FOCAD: variants seen among roughly 807,000 people sequenced by gnomAD.
FOCAD encodes the protein focadhesin.
Under a neutral mutation model 225.6 loss-of-function variants are expected in FOCAD, and 198 were observed. The ratio of observed to expected loss-of-function variants is 0.88; its 90% CI spans 0.78 to 0.99. The LOEUF (loss-of-function observed/expected upper bound fraction) is 0.99. Ranked by LOEUF, FOCAD falls within the 50% of genes least tolerant of loss-of-function variation. The probability of loss-of-function intolerance (pLI) is 0.00; values close to 1 mark genes in which losing one functional copy is unlikely to be tolerated. For missense variants in FOCAD, 2,713 were observed against 2,123.6 expected (o/e 1.28, Z -5.46); for synonymous variants, 897 against 755.0 (o/e 1.19, Z -3.08).
chr9:20,969,685 G>A (rs1307734677), intron 35 of FOCAD, among the ~76,000 whole-genome samples: 2 of 93,408 alleles, frequency 2.1e-5, no homozygotes, highest in African/African-American at 8.4e-5. Context: ...AGTGAAAAGG[G>A]GAGTTATAAA....
chr9:20,816,196 T>C (rs547330583), intron 11 of FOCAD, among the ~76,000 whole-genome samples: 1 of 152,164 alleles, frequency 6.6e-6, no homozygotes, highest in Admixed American at 6.5e-5. Context: ...AGTATAATTA[T>C]AGCATTTGTT....
chr9:20,904,839 C>A (rs958948379), intron 21 of FOCAD, among the ~76,000 whole-genome samples: 1 of 151,912 alleles, frequency 6.6e-6, no homozygotes, highest in Non-Finnish European at 1.5e-5. Flanking sequence ...ACAAGTATAG[C>A]AAATTGGACA....
chr9:20,662,799 C>T (rs1005224691), intron 2 of FOCAD, among the ~76,000 whole-genome samples: 8 of 151,914 alleles, frequency 5.3e-5, no homozygotes, highest in Admixed American at 6.6e-5. Flanking sequence ...TGGCTCAGAG[C>T]CTGCTTTTGG....
chr9:20,763,053 A>G (rs534234594), intron 6 of FOCAD, among the ~76,000 whole-genome samples: 1 of 152,226 alleles, frequency 6.6e-6, no homozygotes, highest in Admixed American at 6.5e-5. Flanking sequence ...TCTTGAGGAT[A>G]GATAATTCTT....
chr9:20,979,587 C>G (rs1268643934), intron 37 of FOCAD, among the ~76,000 whole-genome samples: 1 of 152,206 alleles, frequency 6.6e-6, no homozygotes. Context: ...GATCTGCCCA[C>G]CTCAGTCTCC....
chr9:20,712,292 A>C (rs917396599), intron 1 of FOCAD, among the ~76,000 whole-genome samples: 1 of 152,200 alleles, frequency 6.6e-6, no homozygotes, highest in Admixed American at 6.5e-5. Flanking sequence ...TAGTAAAAAA[A>C]CGCCGTGGTA....
chr9:20,882,471 A>G (rs932260186), intron 20 of FOCAD, among the ~76,000 whole-genome samples: 1 of 152,236 alleles, frequency 6.6e-6, no homozygotes, highest in African/African-American at 2.4e-5. Context: ...TGAAAGGCAA[A>G]GTGAAATCCC....
At chr9:20,847,099 C>T (rs972399138) in intron 15 of FOCAD, among the ~76,000 whole-genome samples, 4 of 152,026 alleles carry the variant, frequency 2.6e-5, no homozygotes, top group African/African-American at 7.2e-5. Context: ...TACAGTTCAG[C>T]CATTTTAATC....
chr9:20,774,402 T>C (rs1397787016), intron 8 of FOCAD, among the ~76,000 whole-genome samples: 2 of 152,190 alleles, frequency 1.3e-5, no homozygotes, highest in African/African-American at 4.8e-5. Context: ...ATTAATTCAT[T>C]AGGAGTTGCA....
rs71496859 is a variant in FOCAD at position 20,839,259 on chromosome 9, C to CTT, written c.1920+16160_1920+16161dup. Among the ~76,000 whole-genome samples, 768 of 132,732 alleles carry CTT rather than the reference C, an allele frequency of 5.8e-3. 6 individuals are homozygous for CTT. The highest frequency in any genetic ancestry group is 0.013 in the African/African-American group (463 of 35,722). 87.1% of individuals were successfully genotyped at this position (132,732 alleles called of 152,430 possible). A position where few individuals can be genotyped will look rare whatever the true frequency, so the allele number is the denominator to read the frequency against. On this transcript the variant is annotated intron_variant, in intron 15 of 43. Transcript: ENST00000338382. ...TTGGCTTTATGGAATTTCTTTCTTT[C>CTT]TTTTTTTTTTTTTTTTTGAGACTAG... is the stretch of plus-strand genomic sequence containing the variant.
intron 15 of FOCAD, among the ~76,000 whole-genome samples, chr9:20,841,126 T>C (rs970637845): frequency 6.6e-6 from 1 of 152,018 alleles, no homozygotes; most frequent in African/African-American, 2.4e-5. Flanking sequence ...TTTGCTATTA[T>C]TTTACTGAGG....
chr9:20,953,076 A>T lies in FOCAD; in HGVS notation c.4132+11A>T, dbSNP rs1205078292. 6.2e-7 allele frequency: 1 copy of T among 1,603,684 alleles called. No homozygotes were observed. ...CAGGAGGAAAAAAAGGCAAGTGAGCACATTTCTTGAATTTTATCATTCTAT... is the reference window on the plus strand; with the variant it reads ...CAGGAGGAAAAAAAGGCAAGTGAGCTCATTTCTTGAATTTTATCATTCTAT... On this transcript the variant is annotated intron_variant, in intron 35 of 43. Transcript: ENST00000338382.
chr9:20,803,004 T>G (rs895803810), intron 11 of FOCAD, among the ~76,000 whole-genome samples: 4 of 152,156 alleles, frequency 2.6e-5, no homozygotes, highest in Non-Finnish European at 4.4e-5. Flanking sequence ...TTGCCTCCTT[T>G]CATTATTTCC....
At chr9:20,785,748 TC>T (rs1819855330) in intron 10 of FOCAD, among the ~76,000 whole-genome samples, 1 of 152,182 alleles carries the variant, frequency 6.6e-6, no homozygotes, top group African/African-American at 2.4e-5. Context: ...ACAAATGTTT[TC>T]ATTTCTCTTG....
intron 41 of FOCAD, among the ~76,000 whole-genome samples, chr9:20,988,681 G>C (rs1162359157): frequency 6.6e-6 from 1 of 151,918 alleles, no homozygotes; most frequent in East Asian, 1.9e-4. Flanking sequence ...CAAGCTCTTG[G>C]AGACACCCAA....
chr9:20,835,199 C>T (rs1825878751), intron 15 of FOCAD, among the ~76,000 whole-genome samples: 1 of 151,954 alleles, frequency 6.6e-6, no homozygotes, highest in Non-Finnish European at 1.5e-5. Flanking sequence ...TAAAAGCTAC[C>T]TTTTTTTCAT....
chr9:20,815,117 C>T (rs1441618178), intron 11 of FOCAD, among the ~76,000 whole-genome samples: 9 of 73,502 alleles, frequency 1.2e-4, no homozygotes, highest in Non-Finnish European at 2.0e-4. Context: ...ATCATTACTT[C>T]TCTTTGTTTT....
intron 1 of FOCAD, among the ~76,000 whole-genome samples, chr9:20,709,981 G>A (rs960716285): frequency 3.3e-5 from 5 of 152,066 alleles, no homozygotes; most frequent in Admixed American, 3.3e-4. Flanking sequence ...TCTATAATAA[G>A]CTATTAGCCT....
intron 4 of FOCAD, among the ~76,000 whole-genome samples, chr9:20,737,552 G>A (rs561271864): frequency 6.6e-6 from 1 of 152,266 alleles, no homozygotes; most frequent in South Asian, 2.1e-4. Flanking sequence ...GCTTAAATAC[G>A]ACTTGAAAGC....
Sources: allele counts gnomAD v4.1 joint callset (sites outside exome capture counted in the v4.1 genomes callset), GRCh38; gene constraint gnomAD v4.1.1; transcripts MANE v1.5; gene names NCBI Gene and HGNC (gene_info 2026-07-23, HGNC 2026-07-21).